Variants in DGKK observed in about 807,000 individuals in gnomAD.
DGKK encodes diacylglycerol kinase kappa.
In DGKK, 35 loss-of-function variants were observed where a neutral mutation model predicts 92.2. That is an observed-to-expected ratio of 0.38 (90% confidence interval 0.29 to 0.50). DGKK has a LOEUF of 0.50. Among genes scored for constraint, DGKK ranks in the 20% least tolerant of loss-of-function variants. The pLI is 0.92. For missense variants in DGKK, 910 were observed against 992.2 expected, an observed-to-expected ratio of 0.92 and a Z score of 1.11; for synonymous variants, 368 against 360.6, an observed-to-expected ratio of 1.02 and a Z score of -0.23.
At chrX:50,371,610 G>A in intron 26 of DGKK, 114 bp downstream of exon 26, 2 of 515,057 alleles carry the variant, frequency 3.9e-6, no homozygotes, top group Non-Finnish European at 6.4e-6. Flanking sequence ...TCAGTTTAAA[G>A]CCAGCACTGG....
At chrX:50,392,594 T>G (rs1557225677) in intron 9 of DGKK, 145 bp from the exon 10 acceptor site, 2 of 479,206 alleles carry the variant, frequency 4.2e-6, no homozygotes, top group African/African-American at 2.4e-5. Flanking sequence ...CTTATCTGTC[T>G]GTGGGATCTA....
chrX:50,398,447 C>T lies in DGKK; in HGVS notation c.1411+2590G>A, dbSNP rs189311281. Among the ~76,000 whole-genome samples, 5 of 111,990 alleles carry T rather than the reference C, an allele frequency of 4.5e-5. No individual in the cohort carries two copies. In the East Asian group the frequency reaches 1.4e-3, roughly 32 times the overall value. On this transcript the variant is annotated intron_variant, in intron 8 of 27. Transcript: ENST00000611977. ...AAGTAATGCATGATAGAAAGAAGGGCTGGCAGTGAGTGAGATTCAATTGGA... is the reference window on the plus strand; with the variant it reads ...AAGTAATGCATGATAGAAAGAAGGGTTGGCAGTGAGTGAGATTCAATTGGA...
intron 27 of DGKK, among the ~76,000 whole-genome samples, chrX:50,369,530 C>A (rs1924064165): frequency 9.5e-6 from 1 of 105,232 alleles, no homozygotes; most frequent in Admixed American, 1.0e-4. Context: ...CTCCTTCCTT[C>A]CTTCCTTCCC....
intron 25 of DGKK, among the ~76,000 whole-genome samples, chrX:50,374,089 G>A (rs1321439079): frequency 2.7e-5 from 3 of 111,880 alleles, no homozygotes; most frequent in Admixed American, 9.5e-5. Context: ...GTTGAATTGT[G>A]TCCCCCCAGG....
rs1557232097 is a variant in DGKK at position 50,447,415 on chromosome X, TA to T, written c.645+22618del. On this transcript the variant is annotated intron_variant, in intron 1 of 27. Coordinates refer to ENST00000611977, the MANE Select transcript of DGKK (RefSeq NM_001013742.4). ...ATATATTATATATATATATAATATA[TA>T]TATATATATATTATATATATATTTC... 1.2e-3 allele frequency among the ~76,000 whole-genome samples: 19 copies of T among 16,112 alleles called. 1 individual carries two copies. Among genetic ancestry groups the T allele is most frequent in the African/African-American group, 0.01 (15 of 1,447 alleles). 14.0% of individuals were successfully genotyped at this position (16,112 alleles called of 115,157 possible).
intron 1 of DGKK, among the ~76,000 whole-genome samples, chrX:50,453,799 A>G (rs781867389): frequency 1.1e-3 from 120 of 110,875 alleles, no homozygotes; most frequent in African/African-American, 3.7e-3. Flanking sequence ...TGGGCAATCC[A>G]GAGGGGAAAC....
At chrX:50,392,259 A>G (rs1924718132) in intron 10 of DGKK, 82 bp downstream of exon 10, 1 of 721,168 alleles carries the variant, frequency 1.4e-6, no homozygotes, top group Admixed American at 2.7e-5. Flanking sequence ...GGGAGGGCGA[A>G]GACTTGGGAC....
At chrX:50,391,064 C>G (rs72619069) in intron 11 of DGKK, among the ~76,000 whole-genome samples, 2,319 of 111,285 alleles carry the variant, frequency 0.021, 153 homozygotes, top group Admixed American at 0.16. Flanking sequence ...ATCCATGGGG[C>G]CCCTGCTCTA....
intron 13 of DGKK, among the ~76,000 whole-genome samples, chrX:50,388,126 C>T (rs956213620): frequency 1.5e-4 from 17 of 112,003 alleles, no homozygotes; most frequent in African/African-American, 4.5e-4. Flanking sequence ...ACAAATGACC[C>T]ACATATTTAG....
intron 1 of DGKK, among the ~76,000 whole-genome samples, chrX:50,432,231 G>T (rs1569544879): frequency 8.9e-6 from 1 of 112,091 alleles, no homozygotes; most frequent in Admixed American, 9.4e-5. Context: ...TCCTCCCACT[G>T]CTTCCTGTGC....
intron 8 of DGKK, among the ~76,000 whole-genome samples, chrX:50,396,668 ACAGGGG>A (rs201845638): frequency 0.024 from 2,677 of 110,978 alleles, 39 homozygotes; most frequent in Middle Eastern, 0.041. Flanking sequence ...CCAGGAGACT[ACAGGGG>A]CAGCTCCATC....
At chrX:50,461,859 T>G (rs1926754069) in intron 1 of DGKK, among the ~76,000 whole-genome samples, 1 of 111,787 alleles carries the variant, frequency 8.9e-6, no homozygotes, top group Admixed American at 9.5e-5. Context: ...ATTTGCAAAT[T>G]TTATGGATTT....
intron 6 of DGKK, 66 bp downstream of exon 6, chrX:50,403,425 C>T (rs1379565374): frequency 1.9e-6 from 2 of 1,029,055 alleles, no homozygotes; most frequent in South Asian, 3.8e-5. Flanking sequence ...TCTTCCTCCC[C>T]CTGTGTATCC....
intron 5 of DGKK, 22 bp downstream of exon 5, chrX:50,404,027 C>T (rs782358230): frequency 3.5e-5 from 42 of 1,204,703 alleles, no homozygotes; most frequent in Non-Finnish European, 4.1e-5. Context: ...AGCTTCACTT[C>T]CTAAAGGAAT....
intron 2 of DGKK, among the ~76,000 whole-genome samples, chrX:50,423,174 TC>T (rs1925642847): frequency 8.9e-6 from 1 of 112,261 alleles, no homozygotes; most frequent in African/African-American, 3.2e-5. Flanking sequence ...GTAAGTAAAG[TC>T]CAATGGGACA....
At position 50,390,388 on chromosome X, in the gene DGKK, C is replaced by G; in HGVS notation, c.1866G>C (p.Glu622Asp). 1 of 1,210,514 alleles carries G rather than the reference C, an allele frequency of 8.3e-7. No individual in the cohort carries two copies. The highest frequency in any genetic ancestry group is 1.1e-6 in the Non-Finnish European group (1 of 894,435). The change falls in exon 12 of 28, where the codon GAG becomes GAC. Residue 622 changes from glutamate to aspartate, a missense_variant. By Grantham distance (45) the Glu-to-Asp change is conservative (BLOSUM62 2). Coordinates refer to ENST00000611977, the MANE Select transcript of DGKK (RefSeq NM_001013742.4). ...TTAGCAGCGGGGTTTGTCTGGGAGT[C>G]TCACGAATCATCACACTCCATCTGA... is the stretch of plus-strand genomic sequence containing the variant. ...ILDRWSVMIR[E>D]TPRQTPLLKG... is the part of the protein sequence containing the mutation.
chrX:50,415,597 A>G (rs1925413456), intron 4 of DGKK, among the ~76,000 whole-genome samples: 1 of 112,026 alleles, frequency 8.9e-6, no homozygotes, highest in Admixed American at 9.4e-5. Context: ...CTGTGAGTCC[A>G]CCATCGTAAG....
intron 1 of DGKK, among the ~76,000 whole-genome samples, chrX:50,429,210 T>C (rs190936547): frequency 9.0e-6 from 1 of 111,375 alleles, no homozygotes; most frequent in Admixed American, 9.5e-5. Context: ...GAGGCTTGGT[T>C]TCCCTTACTT....
chrX:50,418,119 T>C (rs1393896859), intron 4 of DGKK, among the ~76,000 whole-genome samples: 8 of 111,517 alleles, frequency 7.2e-5, no homozygotes, highest in Non-Finnish European at 1.5e-4. Context: ...AAATCTCTCC[T>C]CTGTTAACTC....
Sources: gnomAD v4.1 joint callset for allele counts (sites outside exome capture counted in the v4.1 genomes callset) on GRCh38, gnomAD v4.1.1 for gene constraint, MANE v1.5 for transcripts, NCBI Gene and HGNC (gene_info 2026-07-23, HGNC 2026-07-21) for gene names.